Variants in MLLT10 observed in about 807,000 individuals in gnomAD.
MLLT10 encodes protein AF-10.
MLLT10 carries 30 observed loss-of-function variants against 129.1 expected under a neutral mutation model. The observed-to-expected ratio is 0.23, with a 90% CI of 0.17 to 0.32. MLLT10 has a LOEUF of 0.32. MLLT10 is among the 10% of genes least tolerant of loss of function. MLLT10 has a pLI of 1.00. For missense variants in MLLT10, 1,119 were observed against 1,268.3 expected, an observed-to-expected ratio of 0.88 and a Z score of 1.79; for synonymous variants, 490 against 446.4, an observed-to-expected ratio of 1.10 and a Z score of -1.23.
chr10:21,646,303 C>G (rs534289601), intron 8 of MLLT10, among the ~76,000 whole-genome samples: 1 of 152,278 alleles, frequency 6.6e-6, no homozygotes, highest in South Asian at 2.1e-4. Context: ...CCCAGTTTAA[C>G]ATTTAGGTTC....
At chr10:21,549,352 C>T (rs138569063) in intron 3 of MLLT10, among the ~76,000 whole-genome samples, 2,856 of 152,110 alleles carry the variant, frequency 0.019, 56 homozygotes, top group Middle Eastern at 0.062. Context: ...CCTCGTCATC[C>T]GCCCGCCTTG....
At chr10:21,739,108 C>T (rs1445327178) in intron 21 of MLLT10, among the ~76,000 whole-genome samples, 1 of 152,172 alleles carries the variant, frequency 6.6e-6, no homozygotes, top group Non-Finnish European at 1.5e-5. Context: ...ACTCTGACAC[C>T]CCACATTGAC....
intron 13 of MLLT10, among the ~76,000 whole-genome samples, chr10:21,684,441 A>G (rs374050641): frequency 1.1e-4 from 17 of 152,274 alleles, no homozygotes; most frequent in African/African-American, 3.6e-4. Context: ...AGCCACCTCA[A>G]CCAGACTTAG....
At chr10:21,674,603 T>C (rs749361529) in intron 11 of MLLT10, among the ~76,000 whole-genome samples, 1 of 152,232 alleles carries the variant, frequency 6.6e-6, no homozygotes, top group East Asian at 1.9e-4. Flanking sequence ...ATTATGAATG[T>C]TATTTTCAGT....
intron 3 of MLLT10, among the ~76,000 whole-genome samples, chr10:21,559,991 A>C (rs1423203104): frequency 6.6e-6 from 1 of 151,930 alleles, no homozygotes; most frequent in Admixed American, 6.6e-5. Flanking sequence ...TTGCTGGATC[A>C]CATGGTAATT....
chr10:21,718,154 T>C (rs2056883182), intron 14 of MLLT10, among the ~76,000 whole-genome samples: 1 of 152,064 alleles, frequency 6.6e-6, no homozygotes, highest in Non-Finnish European at 1.5e-5. Context: ...CTCTATTTTA[T>C]ATTCTTAAGT....
intron 3 of MLLT10, among the ~76,000 whole-genome samples, chr10:21,569,982 T>C (rs1249149077): frequency 6.6e-6 from 1 of 152,142 alleles, no homozygotes; most frequent in East Asian, 1.9e-4. Context: ...TGATCTCGGC[T>C]CATTGCAATC....
intron 13 of MLLT10, chr10:21,708,598 A>G: frequency 1.0e-6 from 1 of 985,244 alleles, no homozygotes; most frequent in South Asian, 4.7e-5. Context: ...TAAACTGAGT[A>G]CCAGATATTG....
intron 3 of MLLT10, chr10:21,564,330 A>G (rs1242510546): frequency 4.6e-5 from 7 of 152,090 alleles, no homozygotes; most frequent in African/African-American, 7.2e-5. Context: ...AGCTAAAGCC[A>G]TGCTCCCGAC....
upstream of MLLT10, among the ~76,000 whole-genome samples, chr10:21,533,793 G>T (rs747456976): frequency 2.0e-5 from 3 of 152,170 alleles, no homozygotes; most frequent in Admixed American, 6.5e-5. Flanking sequence ...TGGCACACTC[G>T]CCCCACCCTC....
At chr10:21,613,503 T>C (rs1325442118) in intron 6 of MLLT10, among the ~76,000 whole-genome samples, 1 of 152,168 alleles carries the variant, frequency 6.6e-6, no homozygotes, top group East Asian at 1.9e-4. Flanking sequence ...ATGAAAGTAG[T>C]TTTTGGGGTA....
Position 21,656,867 on chromosome 10 carries a change from A to G in MLLT10, c.795+5099A>G, listed in dbSNP as rs1312070711. On this transcript the variant is annotated intron_variant, in intron 9 of 22. Coordinates refer to ENST00000307729, the MANE Select transcript of MLLT10 (RefSeq NM_001195626.3). ...CCAGAAGCCATAGCTCTTTGTTTCT[A>G]TGATTGGGGGATTTTGGTTCTTAGG... 2.0e-5 allele frequency among the ~76,000 whole-genome samples: 3 copies of G among 152,236 alleles called. No individual in the cohort carries two copies. In the East Asian group the frequency reaches 5.8e-4, roughly 29 times the overall value.
chr10:21,612,916 G>A (rs1191302576), intron 6 of MLLT10, among the ~76,000 whole-genome samples: 5 of 151,918 alleles, frequency 3.3e-5, no homozygotes, highest in South Asian at 2.1e-4. Context: ...CTTTCATGCC[G>A]GGTGCAGTGG....
chr10:21,555,067 C>G (rs7087083), intron 3 of MLLT10, among the ~76,000 whole-genome samples: 1 of 151,990 alleles, frequency 6.6e-6, no homozygotes, highest in Non-Finnish European at 1.5e-5. Flanking sequence ...GTGATCCACC[C>G]GCCTTGGCCT....
chr10:21,710,249 C>T (rs2055944907), intron 13 of MLLT10, among the ~76,000 whole-genome samples: 1 of 152,100 alleles, frequency 6.6e-6, no homozygotes, highest in South Asian at 2.1e-4. Flanking sequence ...GTGTTCATAT[C>T]AAGAGTTGTA....
chr10:21,692,265 T>C (rs1274826789), intron 13 of MLLT10, among the ~76,000 whole-genome samples: 8 of 151,964 alleles, frequency 5.3e-5, no homozygotes, highest in African/African-American at 9.7e-5. Context: ...TACAGAGATA[T>C]TTATCATAGC....
intron 13 of MLLT10, chr10:21,688,659 G>A (rs2053531538): frequency 1.5e-6 from 1 of 683,012 alleles, no homozygotes; most frequent in Non-Finnish European, 2.4e-6. Context: ...AAAAAATGAT[G>A]CCTGAAAGGA....
chr10:21,605,476 T>G (rs1045830498), intron 5 of MLLT10, among the ~76,000 whole-genome samples: 4 of 152,194 alleles, frequency 2.6e-5, no homozygotes, highest in Non-Finnish European at 4.4e-5. Context: ...GATAGGGTCT[T>G]GCTCTGTCAC....
chr10:21,714,756 C>G (rs1487723642), intron 14 of MLLT10, among the ~76,000 whole-genome samples: 1 of 152,126 alleles, frequency 6.6e-6, no homozygotes, highest in African/African-American at 2.4e-5. Context: ...GGTCTTCAAC[C>G]CCTGACCTCA....
Sources: allele counts gnomAD v4.1 joint callset (sites outside exome capture counted in the v4.1 genomes callset), GRCh38; gene constraint gnomAD v4.1.1; transcripts MANE v1.5; gene names NCBI Gene and HGNC (gene_info 2026-07-23, HGNC 2026-07-21).